The following CDH18 variants were observed in gnomAD, a reference collection of about 807,000 sequenced individuals.
The protein encoded by CDH18 is cadherin 18, also known as cadherin-18.
In CDH18, 31 loss-of-function variants were observed where a neutral mutation model predicts 67.9. The ratio of observed to expected loss-of-function variants is 0.46; its 90% CI spans 0.34 to 0.62. The LOEUF is 0.62. Ranked by LOEUF, CDH18 falls within the 20% of genes least tolerant of loss-of-function variation. CDH18 has a pLI of 0.01. For synonymous variants in CDH18, 362 were observed against 347.2 expected (o/e 1.04, Z -0.48); for missense variants, 890 against 975.5 (o/e 0.91, Z 1.17).
chr5:19,746,976 T>C lies in CDH18; in HGVS notation c.489A>G (p.Pro163=), dbSNP rs773643927. 10 of 1,614,014 alleles carry C rather than the reference T, an allele frequency of 6.2e-6. No homozygotes were observed. The East Asian group carries it at 8.9e-5, about 14-fold the overall frequency. ...NDNAPKFTDG[P]YIVTVPEMSD... is the part of the protein sequence containing the mutation. ...ACATTTCAGGCACAGTAACAATGTA[T>C]GGTCCATCTGTGAATTTTGGAGCGT... is the stretch of plus-strand genomic sequence containing the variant. The change falls in exon 4 of 13, where the codon CCA becomes CCG. Residue 163 remains proline (P), a synonymous_variant. Coordinates refer to ENST00000382275, the MANE Select transcript of CDH18 (RefSeq NM_004934.5).
At chr5:20,356,751 C>CTATATATATATA (rs376251008) in intron 1 of CDH18, among the ~76,000 whole-genome samples, 28 of 127,064 alleles carry the variant, frequency 2.2e-4, no homozygotes, top group African/African-American at 8.4e-4. Flanking sequence ...CTCTCTCTCT[C>CTATATATATATA]TCTATATATA....
At chr5:19,677,542 T>C (rs958644213) in intron 5 of CDH18, among the ~76,000 whole-genome samples, 2 of 151,948 alleles carry the variant, frequency 1.3e-5, no homozygotes, top group Non-Finnish European at 2.9e-5. Context: ...ACAACGGCAG[T>C]ATCAAAGCCA....
intron 1 of CDH18, among the ~76,000 whole-genome samples, chr5:20,457,460 G>C (rs1750917165): frequency 6.6e-6 from 1 of 152,028 alleles, no homozygotes; most frequent in Non-Finnish European, 1.5e-5. Flanking sequence ...TTTTACAGAT[G>C]AGCAAATGGA....
chr5:19,879,869 T>C (rs1166671186), intron 2 of CDH18, among the ~76,000 whole-genome samples: 1 of 151,986 alleles, frequency 6.6e-6, no homozygotes, highest in African/African-American at 2.4e-5. Context: ...TGATGTCATG[T>C]CTATATACAT....
At chr5:20,261,567 C>T (rs1744657534) in intron 1 of CDH18, among the ~76,000 whole-genome samples, 1 of 151,940 alleles carries the variant, frequency 6.6e-6, no homozygotes, top group African/African-American at 2.4e-5. Flanking sequence ...GGTGAAACCC[C>T]ATCTCTACTA....
intron 3 of CDH18, among the ~76,000 whole-genome samples, chr5:19,773,481 A>G (rs2149748637): frequency 6.6e-6 from 1 of 152,316 alleles, no homozygotes; most frequent in African/African-American, 2.4e-5. Context: ...AGAGGAGACT[A>G]AAGAAAAGTG....
intron 1 of CDH18, among the ~76,000 whole-genome samples, chr5:20,379,080 G>T (rs1743696209): frequency 6.6e-6 from 1 of 151,702 alleles, no homozygotes; most frequent in Admixed American, 6.6e-5. Context: ...GTTACCTTAG[G>T]GGTATTTTAA....
intron 1 of CDH18, among the ~76,000 whole-genome samples, chr5:20,268,708 A>C (rs1248777381): frequency 6.6e-6 from 1 of 152,160 alleles, no homozygotes; most frequent in African/African-American, 2.4e-5. Flanking sequence ...TGAGGGACAG[A>C]GCAAGACAGA....
intron 12 of CDH18, among the ~76,000 whole-genome samples, chr5:19,481,139 C>A (rs1421253799): frequency 6.6e-6 from 1 of 152,210 alleles, no homozygotes; most frequent in South Asian, 2.1e-4. Context: ...ACTCTCACTT[C>A]TTCACTGTCC....
rs1743766366 is a variant in CDH18 at position 19,584,398 on chromosome 5, G to T, written c.999+6659C>A. Among the ~76,000 whole-genome samples the T allele has an allele frequency of 2.6e-5, 4 of 152,152 alleles. No homozygotes were observed. In the South Asian group the frequency reaches 8.3e-4, roughly 32 times the overall value. On this transcript the variant is annotated intron_variant, in intron 7 of 12. Transcript: ENST00000382275. Reference sequence around the variant, plus strand: ...TAGCTGTTCTGCCCAGCTGGCTAAAGTGAACTGCCTTAGAGATTAAATAAG... The same window carrying T: ...TAGCTGTTCTGCCCAGCTGGCTAAATTGAACTGCCTTAGAGATTAAATAAG...
At chr5:20,546,642 A>T (rs1757360543) in intron 1 of CDH18, among the ~76,000 whole-genome samples, 1 of 152,148 alleles carries the variant, frequency 6.6e-6, no homozygotes, top group South Asian at 2.1e-4. Flanking sequence ...AACCACTCCC[A>T]GGATCCAATT....
At chr5:20,541,007 C>T (rs1280538001) in intron 1 of CDH18, among the ~76,000 whole-genome samples, 1 of 152,178 alleles carries the variant, frequency 6.6e-6, no homozygotes, top group East Asian at 1.9e-4. Flanking sequence ...CTTGATTTCA[C>T]ATTATGGCCA....
chr5:19,970,746 C>T (rs1005131370), intron 2 of CDH18, among the ~76,000 whole-genome samples: 7 of 149,740 alleles, frequency 4.7e-5, no homozygotes, highest in Non-Finnish European at 1.0e-4. Context: ...TTATTTATAC[C>T]GTAAAATAAT....
chr5:19,967,155 T>C (rs901523291), intron 2 of CDH18, among the ~76,000 whole-genome samples: 7 of 152,012 alleles, frequency 4.6e-5, no homozygotes, highest in African/African-American at 7.2e-5. Context: ...ATAAAAGCTA[T>C]AGTAAACTAA....
chr5:19,852,644 T>G (rs999401545), intron 2 of CDH18, among the ~76,000 whole-genome samples: 4 of 152,082 alleles, frequency 2.6e-5, no homozygotes, highest in African/African-American at 9.7e-5. Flanking sequence ...CATACCATGA[T>G]GTCACTGTTT....
At chr5:19,669,736 G>A (rs1758480697) in intron 5 of CDH18, among the ~76,000 whole-genome samples, 1 of 151,998 alleles carries the variant, frequency 6.6e-6, no homozygotes, top group African/African-American at 2.4e-5. Context: ...TAACAAGAAG[G>A]GCAAGGAAAT....
chr5:19,834,877 G>A (rs1781449146), intron 3 of CDH18, among the ~76,000 whole-genome samples: 1 of 152,012 alleles, frequency 6.6e-6, no homozygotes, highest in Non-Finnish European at 1.5e-5. Context: ...TGCAGTAGAT[G>A]CTGGCAAGGC....
At chr5:20,247,561 C>G (rs975270150) in intron 2 of CDH18, among the ~76,000 whole-genome samples, 1 of 151,874 alleles carries the variant, frequency 6.6e-6, no homozygotes, top group African/African-American at 2.4e-5. Flanking sequence ...GTCAAGAGAT[C>G]GAGACCATCC....
At chr5:20,462,136 A>T (rs1206165287) in intron 1 of CDH18, among the ~76,000 whole-genome samples, 1 of 152,334 alleles carries the variant, frequency 6.6e-6, no homozygotes, top group East Asian at 1.9e-4. Context: ...ATCATTGAAT[A>T]AATGAATAAA....
Sources: gnomAD v4.1 joint callset for allele counts (sites outside exome capture counted in the v4.1 genomes callset) on GRCh38, gnomAD v4.1.1 for gene constraint, MANE v1.5 for transcripts, NCBI Gene and HGNC (gene_info 2026-07-23, HGNC 2026-07-21) for gene names.